The following GPC5 variants were observed in gnomAD, a reference collection of about 807,000 sequenced individuals.
GPC5 encodes glypican-5.
A neutral mutation model predicts 53.9 loss-of-function variants in GPC5; 47 were observed. That is an observed-to-expected ratio of 0.87 (90% CI 0.69 to 1.11). The LOEUF (loss-of-function observed/expected upper bound fraction) is 1.11. Among genes scored for constraint, GPC5 ranks in the 50% most tolerant of loss-of-function variants. The pLI is 0.00. For synonymous variants in GPC5, 286 were observed against 263.3 expected (o/e 1.09, Z -0.84); for missense variants, 748 against 713.1 (o/e 1.05, Z -0.56).
At chr13:92,252,502 T>G (rs1445914688) in intron 7 of GPC5, among the ~76,000 whole-genome samples, 1 of 152,048 alleles carries the variant, frequency 6.6e-6, no homozygotes, top group African/African-American at 2.4e-5. Context: ...TTATATTACC[T>G]CAGTTGAAAC....
At chr13:91,556,524 A>G (rs1004414967) in intron 2 of GPC5, among the ~76,000 whole-genome samples, 1 of 149,802 alleles carries the variant, frequency 6.7e-6, no homozygotes, top group African/African-American at 2.4e-5. Flanking sequence ...CAGTATGTGT[A>G]TATATATATA....
intron 7 of GPC5, among the ~76,000 whole-genome samples, chr13:92,848,384 T>C (rs1878678385): frequency 6.6e-6 from 1 of 152,160 alleles, no homozygotes; most frequent in Non-Finnish European, 1.5e-5. Context: ...TATGTAGCTC[T>C]AATTTAATAA....
At chr13:91,876,210 C>G (rs2039200319) in intron 5 of GPC5, among the ~76,000 whole-genome samples, 1 of 152,118 alleles carries the variant, frequency 6.6e-6, no homozygotes, top group Non-Finnish European at 1.5e-5. Context: ...AGCGTGAAAA[C>G]AGACTAATAC....
chr13:92,025,335 A>G (rs2040792350), intron 6 of GPC5, among the ~76,000 whole-genome samples: 3 of 152,104 alleles, frequency 2.0e-5, no homozygotes, highest in African/African-American at 7.2e-5. Context: ...TCCACCCCTG[A>G]TCTCTCCCCC....
At chr13:92,620,174 CAG>C (rs1298926145) in intron 7 of GPC5, among the ~76,000 whole-genome samples, 13 of 151,616 alleles carry the variant, frequency 8.6e-5, no homozygotes, top group African/African-American at 3.2e-4. Context: ...TTTTACATAA[CAG>C]AGAATAATTG....
chr13:91,782,802 C>A (rs1202155299), intron 5 of GPC5, among the ~76,000 whole-genome samples: 1 of 151,712 alleles, frequency 6.6e-6, no homozygotes, highest in African/African-American at 2.4e-5. Context: ...GAATCAACTC[C>A]AGTTCCTATA....
At chr13:92,663,311 T>C (rs530831638) in intron 7 of GPC5, among the ~76,000 whole-genome samples, 1 of 152,128 alleles carries the variant, frequency 6.6e-6, no homozygotes, top group Non-Finnish European at 1.5e-5. Context: ...ATGCAATTTA[T>C]TATTATCAGA....
chr13:91,718,278 T>C (rs1298345568), intron 3 of GPC5, among the ~76,000 whole-genome samples: 1 of 151,848 alleles, frequency 6.6e-6, no homozygotes, highest in Admixed American at 6.5e-5. Context: ...GCGTGGCTAA[T>C]TTTTTGTATT....
At chr13:91,799,032 CAT>C (rs2038092631) in intron 5 of GPC5, among the ~76,000 whole-genome samples, 1 of 152,086 alleles carries the variant, frequency 6.6e-6, no homozygotes, top group African/African-American at 2.4e-5. Flanking sequence ...CACACACACT[CAT>C]ATGTTCCTTA....
intron 7 of GPC5, among the ~76,000 whole-genome samples, chr13:92,372,303 C>A (rs1290755228): frequency 1.3e-5 from 2 of 152,096 alleles, no homozygotes; most frequent in South Asian, 2.1e-4. Flanking sequence ...CCCTAGATTG[C>A]AAACTTTTAG....
At chr13:91,715,800 C>CTCTGTG (rs997034217) in intron 3 of GPC5, among the ~76,000 whole-genome samples, 85 of 145,762 alleles carry the variant, frequency 5.8e-4, no homozygotes, top group African/African-American at 1.9e-3. Flanking sequence ...CTCTCTCTCT[C>CTCTGTG]TGTGTGTGTG....
chr13:92,357,706 G>A (rs1287524984), intron 7 of GPC5, among the ~76,000 whole-genome samples: 1 of 151,572 alleles, frequency 6.6e-6, no homozygotes, highest in Non-Finnish European at 1.5e-5. Context: ...GAAGAGGAAG[G>A]AGGCACATGG....
chr13:92,510,706 G>C (rs1307127838), intron 7 of GPC5, among the ~76,000 whole-genome samples: 2 of 152,088 alleles, frequency 1.3e-5, no homozygotes, highest in Admixed American at 1.3e-4. Context: ...CGTGGCTCTG[G>C]CTCCTAGATC....
intron 2 of GPC5, among the ~76,000 whole-genome samples, chr13:91,553,805 C>T (rs1407547709): frequency 2.0e-5 from 3 of 152,000 alleles, no homozygotes; most frequent in Admixed American, 2.0e-4. Flanking sequence ...ATAAAAAGCT[C>T]TCTTAATAAT....
chr13:91,875,450 A>G (rs1300270348), intron 5 of GPC5, among the ~76,000 whole-genome samples: 2 of 152,206 alleles, frequency 1.3e-5, no homozygotes, highest in East Asian at 1.9e-4. Context: ...GAGATTTTAG[A>G]AAAGTTCAGA....
At chr13:92,001,800 T>G (rs1397743378) in intron 6 of GPC5, among the ~76,000 whole-genome samples, 2 of 152,164 alleles carry the variant, frequency 1.3e-5, no homozygotes, top group Non-Finnish European at 2.9e-5. Flanking sequence ...AAAGAGCACT[T>G]GAGAGAAGCA....
intron 7 of GPC5, 123 bp from the exon 8 acceptor site, chr13:92,866,159 A>T: frequency 3.2e-6 from 2 of 632,522 alleles, no homozygotes; most frequent in Non-Finnish European, 5.0e-6. Context: ...TGTTAGAGTT[A>T]GGTGAACATA....
chr13:91,413,476 A>C (rs1204248856), intron 1 of GPC5, among the ~76,000 whole-genome samples: 2 of 152,256 alleles, frequency 1.3e-5, no homozygotes, highest in Non-Finnish European at 2.9e-5. Context: ...AGCAGTGAAG[A>C]AGTGAAAATA....
intron 7 of GPC5, among the ~76,000 whole-genome samples, chr13:92,657,549 A>G (rs1225012107): frequency 2.0e-5 from 3 of 150,588 alleles, no homozygotes; most frequent in African/African-American, 7.3e-5. Flanking sequence ...AGTGTTAGTC[A>G]GAACTACTAG....
Sources: gnomAD v4.1 joint callset for allele counts (sites outside exome capture counted in the v4.1 genomes callset) on GRCh38, gnomAD v4.1.1 for gene constraint, MANE v1.5 for transcripts, NCBI Gene and HGNC (gene_info 2026-07-23, HGNC 2026-07-21) for gene names.